Variants in INPP4B observed in about 807,000 individuals in gnomAD.
The protein encoded by INPP4B is inositol polyphosphate-4-phosphatase type II B, also known as inositol polyphosphate 4-phosphatase type II.
Under a neutral mutation model 122.5 loss-of-function variants are expected in INPP4B, and 55 were observed. That is an observed-to-expected ratio of 0.45 (90% confidence interval 0.36 to 0.56). INPP4B has a LOEUF of 0.56. INPP4B is among the 20% of genes least tolerant of loss of function. The probability of loss-of-function intolerance (pLI) is 0.00; values close to 1 mark genes in which losing one functional copy is unlikely to be tolerated. For synonymous variants in INPP4B, 403 were observed against 388.7 expected (o/e 1.04, Z -0.43); for missense variants, 1,000 against 1,097.7 (o/e 0.91, Z 1.26).
chr4:142,827,089 G>C (rs1433664601), intron 1 of INPP4B, among the ~76,000 whole-genome samples: 1 of 152,156 alleles, frequency 6.6e-6, no homozygotes, highest in Non-Finnish European at 1.5e-5. Context: ...CTGTTGTTTG[G>C]AAAGCCGCAA....
intron 9 of INPP4B, among the ~76,000 whole-genome samples, chr4:142,284,988 T>C (rs1752859439): frequency 6.6e-6 from 1 of 152,018 alleles, no homozygotes; most frequent in Admixed American, 6.6e-5. Flanking sequence ...GGGAATCGTT[T>C]TGTGATTTCT....
At chr4:142,426,082 G>C (rs1219436598) in intron 5 of INPP4B, among the ~76,000 whole-genome samples, 1 of 151,914 alleles carries the variant, frequency 6.6e-6, no homozygotes, top group Non-Finnish European at 1.5e-5. Flanking sequence ...GTATTTAATA[G>C]GTATTAGTAT....
At chr4:142,092,021 A>G (rs375061116) in intron 23 of INPP4B, among the ~76,000 whole-genome samples, 14 of 152,300 alleles carry the variant, frequency 9.2e-5, no homozygotes, top group African/African-American at 2.9e-4. Flanking sequence ...ATACCCCTTG[A>G]AATCAAGACT....
At chr4:142,600,693 A>T (rs1303225576) in intron 2 of INPP4B, among the ~76,000 whole-genome samples, 1 of 152,190 alleles carries the variant, frequency 6.6e-6, no homozygotes, top group Non-Finnish European at 1.5e-5. Context: ...AAAACCTCAC[A>T]TATCAATAAC....
At chr4:142,523,268 C>G (rs56374106) in intron 2 of INPP4B, among the ~76,000 whole-genome samples, 8,283 of 152,086 alleles carry the variant, frequency 0.054, 254 homozygotes, top group Non-Finnish European at 0.072. Flanking sequence ...TTTTAACTAG[C>G]CCCCAGATAA....
intron 7 of INPP4B, among the ~76,000 whole-genome samples, chr4:142,320,065 A>G (rs528566026): frequency 3.3e-5 from 5 of 152,280 alleles, no homozygotes; most frequent in African/African-American, 9.6e-5. Flanking sequence ...CAACTCTTGA[A>G]CTGTGGTCTT....
chr4:142,366,573 T>C (rs1275219246), intron 7 of INPP4B, among the ~76,000 whole-genome samples: 1 of 152,142 alleles, frequency 6.6e-6, no homozygotes, highest in Non-Finnish European at 1.5e-5. Context: ...TCGTCACCAA[T>C]AATCTATGTG....
rs982320157 is a variant in INPP4B, at chr4:142,462,699, T to C, written c.-163A>G. The C allele has an allele frequency of 2.0e-5, 3 of 152,226 alleles. No individual in the cohort carries two copies. Among genetic ancestry groups the C allele is most frequent in the Non-Finnish European group, 4.4e-5 (3 of 68,042 alleles). 9.4% of individuals were successfully genotyped at this position (152,226 alleles called of 1,614,324 possible). A position where few individuals can be genotyped will look rare whatever the true frequency, so the allele number is the denominator to read the frequency against. On this transcript the variant is annotated 5_prime_UTR_variant, in exon 3 of 26. Transcript: ENST00000262992. ...TGTTTTCTTTGACAGAACTGCTCTTTGATTATTGTTTCGCTGGTTTCAAGG... is the reference window on the plus strand; with the variant it reads ...TGTTTTCTTTGACAGAACTGCTCTTCGATTATTGTTTCGCTGGTTTCAAGG...
chr4:142,418,057 A>G (rs955622138), intron 5 of INPP4B, among the ~76,000 whole-genome samples: 5 of 152,164 alleles, frequency 3.3e-5, no homozygotes, highest in African/African-American at 1.2e-4. Context: ...ACAGGTATGC[A>G]GTCAACAGAT....
At chr4:142,449,442 G>T (rs1288892195) in intron 3 of INPP4B, among the ~76,000 whole-genome samples, 1 of 152,198 alleles carries the variant, frequency 6.6e-6, no homozygotes, top group Non-Finnish European at 1.5e-5. Context: ...GGTGGCTCAT[G>T]CCTGTAATCC....
At position 142,260,581 on chromosome 4, in the gene INPP4B, A is replaced by C; in HGVS notation, c.616-17T>G. 2 of 1,450,410 alleles carry C rather than the reference A, an allele frequency of 1.4e-6. No homozygotes were observed. Among genetic ancestry groups the C allele is most frequent in the South Asian group, 2.5e-5 (2 of 78,928 alleles). The allele number at this position is 1,450,410 out of a possible 1,614,324, so 89.8% of individuals were successfully genotyped here. A position where few individuals can be genotyped will look rare whatever the true frequency, so the allele number is the denominator to read the frequency against. ...CAGGGCACACTAGGAAAAAATGTAA[A>C]AAAAAAAAAAAAATTTTGAGAACAA... On this transcript the variant is annotated splice_polypyrimidine_tract_variant and intron_variant, in intron 10 of 25. Transcript: ENST00000262992.
chr4:142,738,185 A>G (rs922024939), intron 1 of INPP4B, among the ~76,000 whole-genome samples: 6 of 152,218 alleles, frequency 3.9e-5, no homozygotes, highest in African/African-American at 1.4e-4. Context: ...CACTATTCAC[A>G]GTAGCAAAGA....
At chr4:142,517,770 C>T (rs564291338) in intron 2 of INPP4B, among the ~76,000 whole-genome samples, 18 of 152,166 alleles carry the variant, frequency 1.2e-4, no homozygotes, top group Admixed American at 6.5e-4. Flanking sequence ...AAAACATGGC[C>T]ATCAATCCCT....
chr4:142,548,041 G>T (rs1727028905), intron 2 of INPP4B, among the ~76,000 whole-genome samples: 1 of 152,138 alleles, frequency 6.6e-6, no homozygotes, highest in Non-Finnish European at 1.5e-5. Context: ...ATTAATAGAG[G>T]TTACACTTGA....
At chr4:142,326,701 C>A (rs551664510) in intron 7 of INPP4B, among the ~76,000 whole-genome samples, 4 of 152,276 alleles carry the variant, frequency 2.6e-5, no homozygotes, top group African/African-American at 9.6e-5. Context: ...ACCCTAGAAA[C>A]TTTCTGCCCT....
At chr4:142,464,355 C>G (rs1817320673) in intron 2 of INPP4B, among the ~76,000 whole-genome samples, 1 of 151,906 alleles carries the variant, frequency 6.6e-6, no homozygotes, top group Non-Finnish European at 1.5e-5. Context: ...GTTCTTTAAC[C>G]ATTGTACCTC....
intron 25 of INPP4B, among the ~76,000 whole-genome samples, chr4:142,034,785 G>A (rs1024845141): frequency 3.9e-5 from 6 of 152,074 alleles, no homozygotes; most frequent in Non-Finnish European, 5.9e-5. Flanking sequence ...TCTTACCCTT[G>A]TTACTCATAA....
At position 142,701,830 on chromosome 4, in the gene INPP4B, G is replaced by A. The variant is rs561649111; in HGVS notation, c.-191+24009C>T. Among the ~76,000 whole-genome samples the A allele has an allele frequency of 8.5e-5, 13 of 152,220 alleles. No individual in the cohort carries two copies. In the South Asian group the frequency reaches 2.7e-3, roughly 32 times the overall value. On this transcript the variant is annotated intron_variant, in intron 2 of 25. Transcript: ENST00000262992. ...ACACTTGGGTAGGTTGACTACACAGGTGAACTACAGAAGTTTCTCAAAATT... is the reference window on the plus strand; with the variant it reads ...ACACTTGGGTAGGTTGACTACACAGATGAACTACAGAAGTTTCTCAAAATT...
At chr4:142,604,763 A>G (rs1262885878) in intron 2 of INPP4B, among the ~76,000 whole-genome samples, 1 of 152,178 alleles carries the variant, frequency 6.6e-6, no homozygotes, top group East Asian at 1.9e-4. Context: ...ATGAATTGGA[A>G]GGATTAACAT....
Sources: allele counts gnomAD v4.1 joint callset (sites outside exome capture counted in the v4.1 genomes callset), GRCh38; gene constraint gnomAD v4.1.1; transcripts MANE v1.5; gene names NCBI Gene and HGNC (gene_info 2026-07-23, HGNC 2026-07-21).